Variants in CREB3L2 observed in about 807,000 individuals in gnomAD.
CREB3L2 encodes the protein cyclic AMP-responsive element-binding protein 3-like protein 2.
CREB3L2 carries 23 observed loss-of-function variants against 57.2 expected under a neutral mutation model. The observed-to-expected ratio is 0.40, with a 90% CI of 0.29 to 0.57. CREB3L2 has a LOEUF of 0.57. Ranked by LOEUF, CREB3L2 falls within the 20% of genes least tolerant of loss-of-function variation. The pLI is 0.42. For synonymous variants in CREB3L2, 268 were observed against 265.1 expected, an observed-to-expected ratio of 1.01 and a Z score of -0.11; for missense variants, 628 against 634.7, an observed-to-expected ratio of 0.99 and a Z score of 0.11.
Position 137,915,973 on chromosome 7 carries a change from A to C in CREB3L2, c.359T>G (p.Phe120Cys). 1 of 1,613,970 alleles carries C rather than the reference A, an allele frequency of 6.2e-7. No homozygotes were observed. The highest frequency in any genetic ancestry group is 8.5e-7 in the Non-Finnish European group (1 of 1,179,932). Residue 120 changes from phenylalanine (F) to cysteine (C), a missense_variant, in exon 3 of 12, where the codon TTC (phenylalanine) becomes TGC (cysteine). Physicochemically the swap from Phe to Cys is radical, Grantham distance 205 (BLOSUM62 -2). This residue lies in a region of CREB3L2 where 339 missense variants were observed against 355.4 expected (regional missense o/e 0.95). Coordinates refer to ENST00000330387, the MANE Select transcript of CREB3L2 (RefSeq NM_194071.4). ...CTCTGTCTTGATGGATGTTGAAGGGAAGTCTGTAGACAGGTACCATTTCTC... is the reference window on the plus strand; with the variant it reads ...CTCTGTCTTGATGGATGTTGAAGGGCAGTCTGTAGACAGGTACCATTTCTC... ...ESEKWYLSTDFPSTSIKTEPV... is the reference protein window; with the variant it reads ...ESEKWYLSTDCPSTSIKTEPV...
At chr7:137,948,276 A>G (rs1801036881) in intron 1 of CREB3L2, among the ~76,000 whole-genome samples, 1 of 152,262 alleles carries the variant, frequency 6.6e-6, no homozygotes, top group African/African-American at 2.4e-5. Context: ...GGACTACCTA[A>G]AACATGCTCA....
chr7:138,000,799 C>T (rs957700684), intron 1 of CREB3L2, among the ~76,000 whole-genome samples: 7 of 151,964 alleles, frequency 4.6e-5, no homozygotes, highest in Non-Finnish European at 8.8e-5. Flanking sequence ...ATTTTGCAAA[C>T]TTAATACCAA....
In CREB3L2 at chr7:137,875,084, C is replaced by CT. The variant is rs59223079; in HGVS notation, c.*5391dup. ...AACTAAGTACAAGTGTCCTACAAAG[C>CT]TTTTTTTTTTTTTTGGTATTTACTT... is the stretch of plus-strand genomic sequence containing the variant. On this transcript the variant is annotated 3_prime_UTR_variant, in exon 12 of 12. Coordinates refer to ENST00000330387, the MANE Select transcript of CREB3L2 (RefSeq NM_194071.4). 4,453 of 170,658 alleles carry CT rather than the reference C, an allele frequency of 0.026. 42 individuals carry two copies. The highest frequency in any genetic ancestry group is 0.034 in the Non-Finnish European group (2,764 of 81,764). 10.6% of individuals were successfully genotyped at this position (170,658 alleles called of 1,614,324 possible). A position where few individuals can be genotyped will look rare whatever the true frequency, so the allele number is the denominator to read the frequency against.
At chr7:137,963,753 T>A (rs915161253) in intron 1 of CREB3L2, among the ~76,000 whole-genome samples, 21 of 152,232 alleles carry the variant, frequency 1.4e-4, no homozygotes, top group Admixed American at 1.4e-3. Context: ...CAGGGATAAT[T>A]ATGTCCAGGG....
At chr7:137,890,034 T>G (rs17169447) in intron 8 of CREB3L2, among the ~76,000 whole-genome samples, 19 of 152,274 alleles carry the variant, frequency 1.2e-4, no homozygotes, top group African/African-American at 4.3e-4. Context: ...CTTAGTTAAG[T>G]AGATTTTTCT....
chr7:137,972,684 CAAAAAAAA>C (rs58627909), intron 1 of CREB3L2, among the ~76,000 whole-genome samples: 9 of 9,656 alleles, frequency 9.3e-4, no homozygotes, highest in African/African-American at 1.7e-3. Context: ...CCCGTCTCTA[CAAAAAAAA>C]AAAAAAAAAA....
At chr7:137,948,147 T>C (rs1801031742) in intron 1 of CREB3L2, among the ~76,000 whole-genome samples, 1 of 152,236 alleles carries the variant, frequency 6.6e-6, no homozygotes, top group South Asian at 2.1e-4. Flanking sequence ...CTCTCTGCTC[T>C]TGTGTCTACC....
chr7:137,877,695 G>A lies in CREB3L2; in HGVS notation c.*2781C>T, dbSNP rs537790248. On this transcript the variant is annotated 3_prime_UTR_variant, in exon 12 of 12. Coordinates refer to ENST00000330387, the MANE Select transcript of CREB3L2 (RefSeq NM_194071.4). ...GGCTTATGGCCGCTCTGACAGACTC[G>A]TATTTCTCAAAACTTACATTCAGAA... is the stretch of plus-strand genomic sequence containing the variant. 42 of 226,748 alleles carry A rather than the reference G, an allele frequency of 1.9e-4. No individual in the cohort carries two copies. Among genetic ancestry groups the A allele is most frequent in the South Asian group, 7.3e-4 (4 of 5,454 alleles). 14.0% of individuals were successfully genotyped at this position (226,748 alleles called of 1,614,324 possible).
intron 1 of CREB3L2, among the ~76,000 whole-genome samples, chr7:137,981,487 G>A (rs1801710451): frequency 6.6e-6 from 1 of 152,166 alleles, no homozygotes; most frequent in South Asian, 2.1e-4. Context: ...GGAGAACCAG[G>A]AAGTAGAGAA....
intron 8 of CREB3L2, among the ~76,000 whole-genome samples, chr7:137,897,397 T>TCTCG (rs1235495590): frequency 6.6e-6 from 1 of 152,052 alleles, no homozygotes; most frequent in Non-Finnish European, 1.5e-5. Context: ...TGAGACAGAG[T>TCTCG]CTCGCTCTGT....
chr7:137,927,533 A>G (rs2117239332), intron 2 of CREB3L2, among the ~76,000 whole-genome samples: 1 of 152,272 alleles, frequency 6.6e-6, no homozygotes, highest in Non-Finnish European at 1.5e-5. Context: ...AGTTTGGAAC[A>G]AGATACAGCT....
chr7:137,922,433 T>C lies in CREB3L2; in HGVS notation c.319+5717A>G, dbSNP rs1234650077. Among the ~76,000 whole-genome samples, 32 of 48,364 alleles carry C rather than the reference T, an allele frequency of 6.6e-4. 2 individuals are homozygous for C. The highest frequency in any genetic ancestry group is 3.6e-3 in the African/African-American group (21 of 5,774). The allele number at this position is 48,364 out of a possible 152,430, so 31.7% of individuals were successfully genotyped here. ...ATATATATGTATATATATATATATA[T>C]ATACGTATATATATATATATACACA... On this transcript the variant is annotated intron_variant, in intron 2 of 11. Coordinates refer to ENST00000330387, the MANE Select transcript of CREB3L2 (RefSeq NM_194071.4).
In CREB3L2 at chr7:137,878,209, A is replaced by T. The variant is rs571464430; in HGVS notation, c.*2267T>A. ...AGGACAGGGGCTAGAAGTTTCCTTTATCTTCTCCCTCCTCATTTAGAAGAG... is the reference window on the plus strand; with the variant it reads ...AGGACAGGGGCTAGAAGTTTCCTTTTTCTTCTCCCTCCTCATTTAGAAGAG... On this transcript the variant is annotated 3_prime_UTR_variant, in exon 12 of 12. Coordinates refer to ENST00000330387, the MANE Select transcript of CREB3L2 (RefSeq NM_194071.4). 4.3e-6 allele frequency: 1 copy of T among 232,142 alleles called. No homozygotes were observed. Among genetic ancestry groups the T allele is most frequent in the African/African-American group, 2.2e-5 (1 of 45,412 alleles). 14.4% of individuals were successfully genotyped at this position (232,142 alleles called of 1,614,324 possible).
intron 8 of CREB3L2, among the ~76,000 whole-genome samples, chr7:137,888,690 A>G (rs1316936796): frequency 1.3e-5 from 2 of 152,004 alleles, no homozygotes; most frequent in South Asian, 2.1e-4. Context: ...ACCACTCTCT[A>G]TGGTAGGAAT....
intron 11 of CREB3L2, among the ~76,000 whole-genome samples, chr7:137,881,199 T>A (rs1391105790): frequency 1.3e-5 from 2 of 152,138 alleles, no homozygotes; most frequent in Admixed American, 1.3e-4. Flanking sequence ...GGTGGCTACA[T>A]TGGCAAGTCT....
chr7:137,990,399 C>T (rs1420899692), intron 1 of CREB3L2, among the ~76,000 whole-genome samples: 14 of 152,238 alleles, frequency 9.2e-5, no homozygotes, highest in Admixed American at 6.5e-4. Flanking sequence ...ACTTCAAACA[C>T]AGCTCTCATG....
At chr7:137,924,157 T>C (rs1227474681) in intron 2 of CREB3L2, among the ~76,000 whole-genome samples, 1 of 152,178 alleles carries the variant, frequency 6.6e-6, no homozygotes, top group African/African-American at 2.4e-5. Context: ...ATGATTCTTA[T>C]CCATGTTCCT....
At position 137,902,194 on chromosome 7, in the gene CREB3L2, C is replaced by CA. The variant is rs58506555; in HGVS notation, c.975-773dup. Reference sequence around the variant, plus strand: ...GGGCCACAGAGCGAGACTCTGTCTCCAAAAAAAAAAAAAAAAAAGAGGGAG... The same window carrying CA: ...GGGCCACAGAGCGAGACTCTGTCTCCAAAAAAAAAAAAAAAAAAAGAGGGAG... On this transcript the variant is annotated intron_variant, in intron 7 of 11. Transcript: ENST00000330387. 4.1e-3 allele frequency among the ~76,000 whole-genome samples: 351 copies of CA among 84,926 alleles called. 2 individuals are homozygous for CA. The highest frequency in any genetic ancestry group is 6.3e-3 in the Non-Finnish European group (259 of 41,030). 55.7% of individuals were successfully genotyped at this position (84,926 alleles called of 152,430 possible).
Position 138,001,630 on chromosome 7 carries a change from C to A in CREB3L2, c.76G>T (p.Asp26Tyr). ...RKLSELSEPG[D>Y]GEALMYHTHF... ...GTGTGGTACATGAGGGCCTCGCCGT[C>A]CCCGGGCTCTGACAGCTCGCTCAGC... Residue 26 changes from aspartate (D) to tyrosine (Y), a missense_variant, in exon 1 of 12, where the codon GAC becomes TAC. Transcript: ENST00000330387. This position sits in a 1 kb window ranked among gnomAD's most constrained non-coding sequence, Gnocchi z 4.2. 6.2e-7 allele frequency: 1 copy of A among 1,613,062 alleles called. No homozygotes were observed. The highest frequency in any genetic ancestry group is 8.5e-7 in the Non-Finnish European group (1 of 1,179,534).
Sources: gnomAD v4.1 joint callset for allele counts (sites outside exome capture counted in the v4.1 genomes callset) on GRCh38, gnomAD v4.1.1 for gene constraint, gnomAD v4.1.1 regional missense constraint, Gnocchi (gnomAD v3.1) non-coding constraint, MANE v1.5 for transcripts, NCBI Gene and HGNC (gene_info 2026-07-23, HGNC 2026-07-21) for gene names.